The following ANKDD1B variants were observed in gnomAD, a reference collection of about 807,000 sequenced individuals.
ANKDD1B encodes ankyrin repeat and death domain containing 1B, also known as ankyrin repeat and death domain-containing protein 1B.
ANKDD1B carries 57 observed loss-of-function variants against 59.7 expected under a neutral mutation model. That is an observed-to-expected ratio of 0.95 (90% CI 0.77 to 1.19). The LOEUF (loss-of-function observed/expected upper bound fraction) is 1.19. ANKDD1B is among the 50% of genes most tolerant of loss of function. ANKDD1B has a pLI of 0.00. For synonymous variants in ANKDD1B, 216 were observed against 239.5 expected (o/e 0.90, Z 0.91); for missense variants, 602 against 641.9 (o/e 0.94, Z 0.67).
intron 9 of ANKDD1B, among the ~76,000 whole-genome samples, chr5:75,658,354 G>A (rs1775029533): frequency 6.6e-6 from 1 of 152,100 alleles, no homozygotes; most frequent in African/African-American, 2.4e-5. Context: ...TTAAGGAGTT[G>A]GGCTAGATCA....
intron 11 of ANKDD1B, among the ~76,000 whole-genome samples, chr5:75,666,591 C>T (rs572284717): frequency 1.1e-3 from 172 of 150,442 alleles, no homozygotes; most frequent in African/African-American, 3.9e-3. Flanking sequence ...CAGACGGTAC[C>T]CAAGCTTTTA....
intron 5 of ANKDD1B, among the ~76,000 whole-genome samples, chr5:75,631,269 C>G (rs1472956810): frequency 6.6e-6 from 1 of 152,206 alleles, no homozygotes; most frequent in African/African-American, 2.4e-5. Context: ...AAAGCACTTA[C>G]CTTCTGCATG....
chr5:75,620,429 GT>G lies in ANKDD1B; in HGVS notation c.396+17del, dbSNP rs775845802. ...TGCTGATAAGGTAAGCTCATCTTGA[GT>G]AGAACAAGTTGGAGCATAACCAATG... On this transcript the variant is annotated intron_variant, in intron 3 of 13. Transcript: ENST00000601380. The G allele has an allele frequency of 6.2e-6, 9 of 1,442,794 alleles. No homozygotes were observed. The South Asian group carries it at 1.1e-4, about 18-fold the overall frequency. 89.4% of individuals were successfully genotyped at this position (1,442,794 alleles called of 1,614,324 possible).
chr5:75,653,496 C>CA (rs1191588098), intron 8 of ANKDD1B, among the ~76,000 whole-genome samples: 3 of 152,020 alleles, frequency 2.0e-5, no homozygotes, highest in African/African-American at 4.8e-5. Flanking sequence ...GTATTTGCCG[C>CA]AAAAAAGCTT....
rs78896428 is a variant in ANKDD1B at position 75,621,333 on chromosome 5, C to G, written c.396+920C>G. ...TCCATGATTTGCACTGCCTTGAGTC[C>G]AAGTTGGAAGGTATGGAAGGAAAAG... On this transcript the variant is annotated intron_variant, in intron 3 of 13. Coordinates refer to ENST00000601380, the MANE Select transcript of ANKDD1B (RefSeq NM_001276713.2). Among the ~76,000 whole-genome samples, 758 of 152,236 alleles carry G rather than the reference C, an allele frequency of 5.0e-3. 4 individuals carry two copies. The highest frequency in any genetic ancestry group is 0.017 in the African/African-American group (709 of 41,530).
At chr5:75,637,791 T>C (rs866692869) in intron 7 of ANKDD1B, among the ~76,000 whole-genome samples, 6 of 152,310 alleles carry the variant, frequency 3.9e-5, no homozygotes, top group South Asian at 2.1e-4. Context: ...AATTTCTTTC[T>C]TTCTTTTTCT....
intron 1 of ANKDD1B, among the ~76,000 whole-genome samples, chr5:75,614,259 A>G (rs987090409): frequency 1.1e-4 from 16 of 152,324 alleles, no homozygotes; most frequent in African/African-American, 3.8e-4. Flanking sequence ...AAAGATGCCA[A>G]ATGACACCTG....
At chr5:75,659,842 C>T (rs1383090781) in intron 10 of ANKDD1B, among the ~76,000 whole-genome samples, 2 of 152,114 alleles carry the variant, frequency 1.3e-5, no homozygotes, top group Non-Finnish European at 2.9e-5. Flanking sequence ...ACACTGATGG[C>T]ATACCTATAA....
intron 9 of ANKDD1B, among the ~76,000 whole-genome samples, chr5:75,657,466 T>G (rs1775005583): frequency 6.6e-6 from 1 of 152,194 alleles, no homozygotes; most frequent in African/African-American, 2.4e-5. Flanking sequence ...TGTAGCAGTA[T>G]TGTTAAAATG....
intron 12 of ANKDD1B, 41 bp downstream of exon 12, chr5:75,667,034 GT>G: frequency 7.7e-7 from 1 of 1,301,078 alleles, no homozygotes; most frequent in Non-Finnish European, 1.0e-6. Flanking sequence ...GGAATTCACT[GT>G]TAGGAACAGC....
At chr5:75,617,845 G>T (rs780951914) in intron 2 of ANKDD1B, among the ~76,000 whole-genome samples, 1 of 152,230 alleles carries the variant, frequency 6.6e-6, no homozygotes, top group East Asian at 1.9e-4. Flanking sequence ...TGTGTCTGTC[G>T]CAGGCAGTAA....
At chr5:75,655,691 A>G (rs578250037) in intron 8 of ANKDD1B, among the ~76,000 whole-genome samples, 71 of 152,328 alleles carry the variant, frequency 4.7e-4, no homozygotes, top group South Asian at 3.9e-3. Context: ...TGACTTAAAA[A>G]AATTAATATT....
At chr5:75,654,698 G>T (rs1404476573) in intron 8 of ANKDD1B, among the ~76,000 whole-genome samples, 1 of 152,084 alleles carries the variant, frequency 6.6e-6, no homozygotes, top group Non-Finnish European at 1.5e-5. Flanking sequence ...ATAAATAAAA[G>T]AAACAGTTGG....
chr5:75,638,492 A>T (rs1774375329), intron 7 of ANKDD1B, among the ~76,000 whole-genome samples: 2 of 152,160 alleles, frequency 1.3e-5, no homozygotes, highest in African/African-American at 4.8e-5. Context: ...TTGGTAGCAA[A>T]CCCATATCAG....
At chr5:75,612,259 C>T (rs973590747) in intron 1 of ANKDD1B, among the ~76,000 whole-genome samples, 2 of 150,550 alleles carry the variant, frequency 1.3e-5, no homozygotes, top group African/African-American at 4.9e-5. Flanking sequence ...TAATGTGTAG[C>T]ATAAACTGAG....
intron 3 of ANKDD1B, among the ~76,000 whole-genome samples, chr5:75,621,546 G>T (rs1773849301): frequency 6.6e-6 from 1 of 151,636 alleles, no homozygotes; most frequent in Non-Finnish European, 1.5e-5. Context: ...GATTTTATTT[G>T]TTTTGGTGGC....
At chr5:75,651,492 G>T (rs957417774) in intron 7 of ANKDD1B, among the ~76,000 whole-genome samples, 3 of 152,218 alleles carry the variant, frequency 2.0e-5, no homozygotes, top group African/African-American at 4.8e-5. Context: ...GGAAGGAGAG[G>T]CGCTGAAAGG....
intron 5 of ANKDD1B, among the ~76,000 whole-genome samples, chr5:75,627,311 C>T (rs1324857679): frequency 3.3e-5 from 5 of 152,018 alleles, no homozygotes; most frequent in Non-Finnish European, 5.9e-5. Flanking sequence ...ATCAGCAAAC[C>T]TCCATTCTTT....
intron 7 of ANKDD1B, among the ~76,000 whole-genome samples, chr5:75,641,609 G>T (rs894821310): frequency 5.9e-5 from 9 of 152,014 alleles, no homozygotes; most frequent in African/African-American, 2.2e-4. Flanking sequence ...TCTGCACCTT[G>T]GTTTCTTTTG....
Sources: allele counts gnomAD v4.1 joint callset (sites outside exome capture counted in the v4.1 genomes callset), GRCh38; gene constraint gnomAD v4.1.1; transcripts MANE v1.5; gene names NCBI Gene and HGNC (gene_info 2026-07-23, HGNC 2026-07-21).